The following ARHGAP15 variants were observed in gnomAD, a reference collection of about 807,000 sequenced individuals.
ARHGAP15 encodes rho GTPase-activating protein 15.
A neutral mutation model predicts 63.7 loss-of-function variants in ARHGAP15; 51 were observed. That is an observed-to-expected ratio of 0.80 (90% CI 0.64 to 1.01). The LOEUF is 1.01. Among genes scored for constraint, ARHGAP15 ranks in the 50% least tolerant of loss-of-function variants. The pLI is 0.00. For synonymous variants in ARHGAP15, 191 were observed against 193.8 expected, an observed-to-expected ratio of 0.99 and a Z score of 0.12; for missense variants, 560 against 564.6, an observed-to-expected ratio of 0.99 and a Z score of 0.08.
intron 10 of ARHGAP15, among the ~76,000 whole-genome samples, chr2:143,528,181 C>T (rs368879736): frequency 6.6e-6 from 1 of 152,014 alleles, no homozygotes; most frequent in South Asian, 2.1e-4. Flanking sequence ...ATTCCAATAG[C>T]CTGCTGTTTT....
At chr2:143,156,433 A>G (rs1255234508) in intron 2 of ARHGAP15, among the ~76,000 whole-genome samples, 1 of 151,880 alleles carries the variant, frequency 6.6e-6, no homozygotes, top group Non-Finnish European at 1.5e-5. Flanking sequence ...TCACAGTGAG[A>G]GCAAGAGGGA....
chr2:143,334,635 A>G (rs1197882995), intron 6 of ARHGAP15, among the ~76,000 whole-genome samples: 1 of 152,216 alleles, frequency 6.6e-6, no homozygotes, highest in African/African-American at 2.4e-5. Context: ...GTTATGTAGC[A>G]TATTCCAAAG....
chr2:143,259,965 GC>G (rs1473252078), intron 6 of ARHGAP15, among the ~76,000 whole-genome samples: 1 of 152,050 alleles, frequency 6.6e-6, no homozygotes, highest in Non-Finnish European at 1.5e-5. Context: ...TACATGAGAT[GC>G]TTTAATCCCT....
At chr2:143,279,902 C>A (rs936913406) in intron 6 of ARHGAP15, among the ~76,000 whole-genome samples, 5 of 152,072 alleles carry the variant, frequency 3.3e-5, no homozygotes, top group Non-Finnish European at 7.4e-5. Context: ...TAGAGATGGG[C>A]TTATTTTCTC....
intron 12 of ARHGAP15, among the ~76,000 whole-genome samples, chr2:143,693,528 T>C (rs528703747): frequency 6.6e-6 from 1 of 152,190 alleles, no homozygotes; most frequent in South Asian, 2.1e-4. Context: ...AGATTAGTTG[T>C]CTCAATCTTT....
At chr2:143,538,534 A>G (rs1478898408) in intron 10 of ARHGAP15, among the ~76,000 whole-genome samples, 2 of 152,120 alleles carry the variant, frequency 1.3e-5, no homozygotes, top group Non-Finnish European at 2.9e-5. Flanking sequence ...GATAGCTCTT[A>G]TTATTTTGAG....
chr2:143,627,481 C>A (rs1490508117), intron 12 of ARHGAP15, among the ~76,000 whole-genome samples: 1 of 152,000 alleles, frequency 6.6e-6, no homozygotes, highest in Non-Finnish European at 1.5e-5. Flanking sequence ...TGGTAAAAAC[C>A]ACACCAGAGG....
intron 12 of ARHGAP15, among the ~76,000 whole-genome samples, chr2:143,672,943 G>C (rs970005393): frequency 6.6e-6 from 1 of 152,014 alleles, no homozygotes; most frequent in Non-Finnish European, 1.5e-5. Context: ...CTCCATAATA[G>C]AGTGTCTGCT....
chr2:143,259,034 T>C (rs753979770), intron 6 of ARHGAP15, among the ~76,000 whole-genome samples: 1 of 152,080 alleles, frequency 6.6e-6, no homozygotes, highest in Non-Finnish European at 1.5e-5. Context: ...TTTTTTTTCT[T>C]GAAGTTGAAT....
intron 13 of ARHGAP15, among the ~76,000 whole-genome samples, chr2:143,709,007 A>G (rs1295186548): frequency 2.6e-5 from 4 of 152,112 alleles, no homozygotes; most frequent in Non-Finnish European, 4.4e-5. Flanking sequence ...AATCTTATCA[A>G]CTACTTATCC....
In ARHGAP15 at chr2:143,739,066, A is replaced by G. The variant is rs938763684; in HGVS notation, c.1245-28923A>G. Among the ~76,000 whole-genome samples, 3 of 152,290 alleles carry G rather than the reference A, an allele frequency of 2.0e-5. No homozygotes were observed. In the East Asian group the frequency reaches 5.8e-4, roughly 29 times the overall value. On this transcript the variant is annotated intron_variant, in intron 13 of 13. Coordinates refer to ENST00000295095, the MANE Select transcript of ARHGAP15 (RefSeq NM_018460.4). ...GAGATTTTACCTTATGGACAATAGA[A>G]CCAGCTGCTGGTTTTTAAGCAGAGA...
chr2:143,176,799 T>C (rs1252426423), intron 2 of ARHGAP15, among the ~76,000 whole-genome samples: 1 of 152,206 alleles, frequency 6.6e-6, no homozygotes, highest in Non-Finnish European at 1.5e-5. Context: ...CACTTAGGCC[T>C]GAAAGATTTA....
At chr2:143,524,832 GT>G (rs1382130131) in intron 10 of ARHGAP15, among the ~76,000 whole-genome samples, 3 of 152,138 alleles carry the variant, frequency 2.0e-5, no homozygotes, top group East Asian at 3.9e-4. Flanking sequence ...CCATATACAT[GT>G]TGCATTTGCA....
chr2:143,173,852 T>TG (rs1690902459), intron 2 of ARHGAP15, among the ~76,000 whole-genome samples: 2 of 152,260 alleles, frequency 1.3e-5, no homozygotes, highest in Non-Finnish European at 1.5e-5. Context: ...AACCGTATGT[T>TG]AGATTTTACC....
At chr2:143,596,395 A>C (rs77579110) in intron 11 of ARHGAP15, among the ~76,000 whole-genome samples, 29,767 of 152,046 alleles carry the variant, frequency 0.2, 3,244 homozygotes, top group Middle Eastern at 0.28. Context: ...AACAGGGTTG[A>C]TGGAATCAGA....
chr2:143,337,707 A>G (rs1022770698), intron 6 of ARHGAP15, among the ~76,000 whole-genome samples: 2 of 152,320 alleles, frequency 1.3e-5, no homozygotes. Flanking sequence ...CAGGTCAACT[A>G]AATTCAGCAA....
At chr2:143,737,568 G>A (rs780878178) in intron 13 of ARHGAP15, among the ~76,000 whole-genome samples, 1 of 152,016 alleles carries the variant, frequency 6.6e-6, no homozygotes, top group African/African-American at 2.4e-5. Context: ...AACATGTCTC[G>A]CACGTGAAAA....
intron 6 of ARHGAP15, among the ~76,000 whole-genome samples, chr2:143,418,499 G>A (rs527921104): frequency 2.7e-4 from 41 of 151,958 alleles, no homozygotes; most frequent in African/African-American, 4.1e-4. Flanking sequence ...TTTTTTGTTC[G>A]TCCCAAATTA....
At chr2:143,692,795 C>T (rs188970944) in intron 12 of ARHGAP15, among the ~76,000 whole-genome samples, 93 of 152,228 alleles carry the variant, frequency 6.1e-4, no homozygotes, top group African/African-American at 2.1e-3. Flanking sequence ...TTTCACAAGT[C>T]TCTGCAACAG....
Sources: gnomAD v4.1 joint callset for allele counts (sites outside exome capture counted in the v4.1 genomes callset) on GRCh38, gnomAD v4.1.1 for gene constraint, MANE v1.5 for transcripts, NCBI Gene and HGNC (gene_info 2026-07-23, HGNC 2026-07-21) for gene names.